The following KLHL14 variants were observed in gnomAD, a reference collection of about 807,000 sequenced individuals.
KLHL14 encodes kelch like family member 14, also known as kelch-like protein 14.
In KLHL14, 22 loss-of-function variants were observed where a neutral mutation model predicts 64.3. That is an observed-to-expected ratio of 0.34 (90% CI 0.24 to 0.49). The LOEUF (loss-of-function observed/expected upper bound fraction) is 0.49. Ranked by LOEUF, KLHL14 falls within the 20% of genes least tolerant of loss-of-function variation. The probability of loss-of-function intolerance (pLI) is 0.99; values close to 1 mark genes in which losing one functional copy is unlikely to be tolerated. For missense variants in KLHL14, 661 were observed against 789.0 expected (o/e 0.84, Z 1.94); for synonymous variants, 322 against 333.4 (o/e 0.97, Z 0.37).
At position 32,714,630 on chromosome 18, in the gene KLHL14, T is replaced by C. The variant is rs147656521; in HGVS notation, c.1070-19078A>G. Among the ~76,000 whole-genome samples the C allele has an allele frequency of 7.8e-4, 119 of 152,292 alleles. 2 individuals are homozygous for C. In the East Asian group the frequency reaches 0.019, roughly 25 times the overall value. ...CGTTTCTCAGCCTCTTGGAGAAATG[T>C]TGAAGGAAGAATGAAGTCTGTTAAT... On this transcript the variant is annotated intron_variant, in intron 3 of 8. Transcript: ENST00000359358.
chr18:32,736,859 T>A (rs545069779), intron 3 of KLHL14, among the ~76,000 whole-genome samples: 1 of 152,180 alleles, frequency 6.6e-6, no homozygotes, highest in South Asian at 2.1e-4. Flanking sequence ...TAACCTCTCA[T>A]GTTAACTTTA....
chr18:32,765,763 C>T (rs1261417189), intron 2 of KLHL14, among the ~76,000 whole-genome samples: 1 of 152,064 alleles, frequency 6.6e-6, no homozygotes, highest in African/African-American at 2.4e-5. Context: ...AATGTAATGG[C>T]ATTTTAATTA....
intron 4 of KLHL14, among the ~76,000 whole-genome samples, chr18:32,689,287 A>G (rs189096401): frequency 7.1e-4 from 108 of 152,312 alleles, no homozygotes; most frequent in African/African-American, 2.5e-3. Context: ...AGAGTGTATG[A>G]AAATGAAAGA....
At chr18:32,715,430 T>A (rs2050040453) in intron 3 of KLHL14, among the ~76,000 whole-genome samples, 2 of 152,166 alleles carry the variant, frequency 1.3e-5, no homozygotes, top group Non-Finnish European at 2.9e-5. Context: ...TTTAGAGAAG[T>A]TAAAAGAGAA....
At chr18:32,703,717 T>A (rs2049977028) in intron 3 of KLHL14, among the ~76,000 whole-genome samples, 1 of 152,234 alleles carries the variant, frequency 6.6e-6, no homozygotes, top group Non-Finnish European at 1.5e-5. Context: ...AAGTCTTATT[T>A]TTATCTTAGT....
chr18:32,759,697 T>TCTC (rs1555666583), intron 2 of KLHL14, among the ~76,000 whole-genome samples: 2 of 148,380 alleles, frequency 1.3e-5, no homozygotes, highest in African/African-American at 5.0e-5. Flanking sequence ...CATTATAACC[T>TCTC]TCTCTCTCTC....
intron 3 of KLHL14, among the ~76,000 whole-genome samples, chr18:32,701,043 T>C (rs916164621): frequency 1.3e-5 from 2 of 152,144 alleles, no homozygotes; most frequent in Non-Finnish European, 2.9e-5. Flanking sequence ...ACCAGTGCAG[T>C]GTGGAAGGAC....
At chr18:32,762,083 C>A (rs894909358) in intron 2 of KLHL14, among the ~76,000 whole-genome samples, 1 of 151,718 alleles carries the variant, frequency 6.6e-6, no homozygotes, top group Non-Finnish European at 1.5e-5. Context: ...TTACCTAGCA[C>A]AACAATGGAT....
Position 32,714,705 on chromosome 18 carries a change from C to T in KLHL14, c.1070-19153G>A, listed in dbSNP as rs116978382. On this transcript the variant is annotated intron_variant, in intron 3 of 8. Coordinates refer to ENST00000359358, the MANE Select transcript of KLHL14 (RefSeq NM_020805.3). ...CTGCTTCCTGTTCAAACTCGCCTTT[C>T]GTTAACTGCAGCAATTTTGAACTGA... Among the ~76,000 whole-genome samples, 305 of 152,164 alleles carry T rather than the reference C, an allele frequency of 2.0e-3. 3 individuals are homozygous for T. In the East Asian group the frequency reaches 0.031, roughly 15 times the overall value.
chr18:32,703,682 C>T (rs1370563463), intron 3 of KLHL14, among the ~76,000 whole-genome samples: 10 of 152,166 alleles, frequency 6.6e-5, no homozygotes, highest in Admixed American at 6.5e-4. Flanking sequence ...ACTTCTATTA[C>T]CTGTTTAAGC....
intron 2 of KLHL14, among the ~76,000 whole-genome samples, chr18:32,760,451 T>G (rs1387326893): frequency 6.6e-6 from 1 of 152,212 alleles, no homozygotes; most frequent in Non-Finnish European, 1.5e-5. Context: ...CAGATATTGC[T>G]GCTTTCTCTC....
At chr18:32,760,825 T>C (rs2050310384) in intron 2 of KLHL14, among the ~76,000 whole-genome samples, 1 of 152,236 alleles carries the variant, frequency 6.6e-6, no homozygotes, top group Non-Finnish European at 1.5e-5. Flanking sequence ...GCCATCATTT[T>C]CCTTTTGAAG....
intron 3 of KLHL14, among the ~76,000 whole-genome samples, chr18:32,709,227 A>G (rs955292187): frequency 6.6e-6 from 1 of 152,150 alleles, no homozygotes; most frequent in Non-Finnish European, 1.5e-5. Context: ...TTGCTTCTGC[A>G]ACACTCCAAA....
chr18:32,695,406 G>T, intron 4 of KLHL14, 57 bp downstream of exon 4: 1 of 1,016,166 alleles, frequency 9.8e-7, no homozygotes, highest in Non-Finnish European at 1.6e-6. Context: ...TGCTACTGAT[G>T]CCCTTCATTA....
intron 3 of KLHL14, among the ~76,000 whole-genome samples, chr18:32,705,710 A>C (rs1283165094): frequency 6.6e-6 from 1 of 152,230 alleles, no homozygotes; most frequent in African/African-American, 2.4e-5. Context: ...GTGACAGAGC[A>C]AGACTGTCTC....
intron 3 of KLHL14, among the ~76,000 whole-genome samples, chr18:32,739,579 AG>A (rs1309456332): frequency 1.3e-5 from 2 of 151,986 alleles, no homozygotes; most frequent in African/African-American, 4.8e-5. Context: ...CAAAGCCATA[AG>A]TATGTCTGAG....
At chr18:32,736,572 A>G (rs995418194) in intron 3 of KLHL14, among the ~76,000 whole-genome samples, 4 of 152,026 alleles carry the variant, frequency 2.6e-5, no homozygotes, top group African/African-American at 9.7e-5. Flanking sequence ...TGCAATTCTT[A>G]ATTCTTGAAC....
chr18:32,744,897 A>C (rs2050216733), intron 2 of KLHL14: 1 of 152,202 alleles, frequency 6.6e-6, no homozygotes, highest in Admixed American at 6.5e-5. Flanking sequence ...AAAGCCAGTG[A>C]ACAGTGGGCA....
chr18:32,760,463 T>A lies in KLHL14; in HGVS notation c.947+9182A>T, dbSNP rs117659014. ...TCTCAGATATTGCTGCTTTCTCTCT[T>A]CTTCCTCCTCTCCATTTCACTGGCC... On this transcript the variant is annotated intron_variant, in intron 2 of 8. Transcript: ENST00000359358. 2.1e-3 allele frequency among the ~76,000 whole-genome samples: 320 copies of A among 152,302 alleles called. 1 individual carries two copies. The highest frequency in any genetic ancestry group is 0.015 in the Admixed American group (228 of 15,298).
Sources: allele counts gnomAD v4.1 joint callset (sites outside exome capture counted in the v4.1 genomes callset), GRCh38; gene constraint gnomAD v4.1.1; transcripts MANE v1.5; gene names NCBI Gene and HGNC (gene_info 2026-07-23, HGNC 2026-07-21).